SLCO1A2: variants seen among roughly 807,000 people sequenced by gnomAD.
The protein encoded by SLCO1A2 is solute carrier organic anion transporter family member 1A2.
A neutral mutation model predicts 69.0 loss-of-function variants in SLCO1A2; 67 were observed. The ratio of observed to expected loss-of-function variants is 0.97; its 90% CI spans 0.80 to 1.19. The LOEUF is 1.19. SLCO1A2 is among the 50% of genes most tolerant of loss of function. SLCO1A2 has a pLI of 0.00. For synonymous variants in SLCO1A2, 260 were observed against 265.9 expected, an observed-to-expected ratio of 0.98 and a Z score of 0.22; for missense variants, 787 against 793.7, an observed-to-expected ratio of 0.99 and a Z score of 0.10.
rs143252087 is a variant in SLCO1A2, at chr12:21,318,879, C to T, written c.105G>A (p.Leu35=). ...GCATGGAATTCATATAAGATCCAGACAGTGTTTTGGATACAAATGCACATG... is the reference window on the plus strand; with the variant it reads ...GCATGGAATTCATATAAGATCCAGATAGTGTTTTGGATACAAATGCACATG... ...AITCAFVSKT[L]SGSYMNSMLT... Residue 35 remains leucine (L), a synonymous_variant, in exon 3 of 15, where the codon CTG becomes CTA. Coordinates refer to ENST00000683939, the MANE Select transcript of SLCO1A2 (RefSeq NM_001386879.1). 3 of 1,608,650 alleles carry T rather than the reference C, an allele frequency of 1.9e-6. No individual in the cohort carries two copies. Among genetic ancestry groups the T allele is most frequent in the African/African-American group, 1.3e-5 (1 of 74,772 alleles).
chr12:21,292,515 C>T (rs1947033328), intron 11 of SLCO1A2, among the ~76,000 whole-genome samples, 179 bp from the exon 12 acceptor site: 1 of 152,016 alleles, frequency 6.6e-6, no homozygotes, highest in East Asian at 1.9e-4. Flanking sequence ...TTCAGAAAAA[C>T]GGTATATTTT....
chr12:21,274,659 T>C, intron 13 of SLCO1A2, 73 bp from the exon 14 acceptor site: 2 of 1,082,714 alleles, frequency 1.8e-6, no homozygotes, highest in East Asian at 4.8e-5. Context: ...ATATTTCAAT[T>C]TTCTTTATTT....
At chr12:21,359,478 T>C (rs1365256772) in intron 2 of SLCO1A2, among the ~76,000 whole-genome samples, 2 of 152,074 alleles carry the variant, frequency 1.3e-5, no homozygotes, top group Admixed American at 6.5e-5. Flanking sequence ...CCCAGATAAA[T>C]GGCCTTCTTC....
upstream of SLCO1A2, among the ~76,000 whole-genome samples, chr12:21,339,911 A>G (rs1450614087): frequency 1.3e-5 from 2 of 152,012 alleles, no homozygotes; most frequent in Admixed American, 6.6e-5. Context: ...GGCCAGATAA[A>G]CAAATGACCA....
chr12:21,350,391 T>C (rs1937840344), intron 2 of SLCO1A2, among the ~76,000 whole-genome samples: 1 of 151,476 alleles, frequency 6.6e-6, no homozygotes. Context: ...ACAAATACAA[T>C]AAGAATAAAA....
At chr12:21,356,679 A>G (rs1411708636) in intron 2 of SLCO1A2, among the ~76,000 whole-genome samples, 1 of 152,170 alleles carries the variant, frequency 6.6e-6, no homozygotes, top group Non-Finnish European at 1.5e-5. Flanking sequence ...CCCAATGAGT[A>G]AAACAACTTC....
At chr12:21,408,713 CGTGTGTGTGTGTGT>C (rs3060712) in intron 1 of SLCO1A2, among the ~76,000 whole-genome samples, 8 of 150,278 alleles carry the variant, frequency 5.3e-5, no homozygotes, top group African/African-American at 7.3e-5. Flanking sequence ...TCAGCGCATG[CGTGTGTGTGTGTGT>C]GTGTGTGTGT....
At chr12:21,334,967 T>C, upstream of SLCO1A2, 1 of 207,162 alleles carries the variant, frequency 4.8e-6, no homozygotes, top group Middle Eastern at 1.7e-3. Context: ...GTTATGATCT[T>C]GCAAAATAAT....
At chr12:21,397,383 G>T (rs1941508742), upstream of SLCO1A2, among the ~76,000 whole-genome samples, 4 of 152,102 alleles carry the variant, frequency 2.6e-5, no homozygotes, top group South Asian at 8.3e-4. Context: ...CAAGTCCTGA[G>T]TGACCTACAA....
At chr12:21,388,631 C>A (rs1456037161) in intron 1 of SLCO1A2, among the ~76,000 whole-genome samples, 2 of 152,006 alleles carry the variant, frequency 1.3e-5, no homozygotes, top group Non-Finnish European at 2.9e-5. Context: ...TTCTTTATAG[C>A]AGTATGAAAA....
At chr12:21,407,897 G>A (rs781712635) in intron 1 of SLCO1A2, among the ~76,000 whole-genome samples, 9 of 151,926 alleles carry the variant, frequency 5.9e-5, no homozygotes, top group Non-Finnish European at 1.2e-4. Context: ...GAGCCAAATC[G>A]CTACTGCAAA....
intron 12 of SLCO1A2, among the ~76,000 whole-genome samples, chr12:21,286,130 C>A (rs1390120689): frequency 6.7e-6 from 1 of 148,672 alleles, no homozygotes; most frequent in East Asian, 2.0e-4. Flanking sequence ...AGCCCAAAAT[C>A]TCCTTAAGCT....
upstream of SLCO1A2, among the ~76,000 whole-genome samples, chr12:21,395,647 T>C (rs1391324351): frequency 6.6e-6 from 1 of 152,190 alleles, no homozygotes; most frequent in Non-Finnish European, 1.5e-5. Flanking sequence ...AAGAGAGCAG[T>C]GGGTCTCCCA....
At chr12:21,312,117 A>G (rs1950295344) in intron 4 of SLCO1A2, among the ~76,000 whole-genome samples, 1 of 152,204 alleles carries the variant, frequency 6.6e-6, no homozygotes, top group South Asian at 2.1e-4. Context: ...AGGCTGTTTC[A>G]TCCACATTGA....
At chr12:21,366,656 A>G (rs1475647397) in intron 2 of SLCO1A2, among the ~76,000 whole-genome samples, 2 of 152,094 alleles carry the variant, frequency 1.3e-5, no homozygotes, top group African/African-American at 2.4e-5. Context: ...AGAAACCAGA[A>G]AAGAGAAAGC....
chr12:21,405,014 T>C (rs1477352614), intron 1 of SLCO1A2, among the ~76,000 whole-genome samples: 1 of 152,208 alleles, frequency 6.6e-6, no homozygotes, highest in Non-Finnish European at 1.5e-5. Flanking sequence ...AAAATGTTTG[T>C]TGGCCGCATA....
At chr12:21,284,446 A>G (rs892851177) in intron 12 of SLCO1A2, among the ~76,000 whole-genome samples, 2 of 151,908 alleles carry the variant, frequency 1.3e-5, no homozygotes, top group African/African-American at 4.8e-5. Flanking sequence ...AGACAGATCA[A>G]TGAGACAGAA....
intron 10 of SLCO1A2, 62 bp downstream of exon 10, chr12:21,295,535 G>T (rs766138131): frequency 1.0e-5 from 11 of 1,085,536 alleles, no homozygotes; most frequent in Non-Finnish European, 1.5e-5. Flanking sequence ...CATTGCCATT[G>T]TAAAAAATAT....
intron 2 of SLCO1A2, among the ~76,000 whole-genome samples, chr12:21,353,148 A>T (rs1481812656): frequency 1.3e-5 from 2 of 152,202 alleles, no homozygotes; most frequent in South Asian, 2.1e-4. Context: ...CAAACACAGT[A>T]TTCATTACCA....
Sources: gnomAD v4.1 joint callset for allele counts (sites outside exome capture counted in the v4.1 genomes callset) on GRCh38, gnomAD v4.1.1 for gene constraint, MANE v1.5 for transcripts, NCBI Gene and HGNC (gene_info 2026-07-23, HGNC 2026-07-21) for gene names.